ABHD6: variants seen among roughly 807,000 people sequenced by gnomAD.
ABHD6 encodes the protein monoacylglycerol lipase ABHD6.
In ABHD6, 33 loss-of-function variants were observed where a neutral mutation model predicts 38.8. That is an observed-to-expected ratio of 0.85 (90% CI 0.64 to 1.14). ABHD6 has a LOEUF of 1.14. ABHD6 is among the 50% of genes most tolerant of loss of function. The pLI is 0.00. For missense variants in ABHD6, 380 were observed against 422.6 expected (o/e 0.90, Z 0.88); for synonymous variants, 147 against 161.6 (o/e 0.91, Z 0.69).
Position 58,273,567 on chromosome 3 carries a change from C to G in ABHD6, c.524-1091C>G, listed in dbSNP as rs750298321. Among the ~76,000 whole-genome samples the G allele has an allele frequency of 6.6e-6, 1 of 152,268 alleles. No homozygotes were observed. Among genetic ancestry groups the G allele is most frequent in the South Asian group, 2.1e-4 (1 of 4,810 alleles). ...GCCATAAAAAAGAATGATTTCATGT[C>G]CTTTGCAAGGACATGGATGAAGCTG... On this transcript the variant is annotated intron_variant, in intron 6 of 9. Coordinates refer to ENST00000478253, the MANE Select transcript of ABHD6 (RefSeq NM_001320126.2). The surrounding 1 kb of genome is among the most constrained non-coding windows in gnomAD (Gnocchi z 4.8).
In ABHD6 at chr3:58,287,883, G is replaced by A. The variant is rs2097458648; in HGVS notation, c.837+2430G>A. 6.6e-6 allele frequency among the ~76,000 whole-genome samples: 1 copy of A among 152,174 alleles called. No homozygotes were observed. The highest frequency in any genetic ancestry group is 1.5e-5 in the Non-Finnish European group (1 of 68,030). On this transcript the variant is annotated intron_variant, in intron 9 of 9. Coordinates refer to ENST00000478253, the MANE Select transcript of ABHD6 (RefSeq NM_001320126.2). The surrounding 1 kb of genome is among the most constrained non-coding windows in gnomAD (Gnocchi z 4.7). ...GGTTTCTGAAACTTCTAGTACCAGG[G>A]TTATTTTGAGGCTCAAATGAAATAA...
rs2097428819 is a variant in ABHD6, at chr3:58,249,935, T to C, written c.-33T>C. The C allele has an allele frequency of 6.6e-6, 1 of 152,210 alleles. No homozygotes were observed. Among genetic ancestry groups the C allele is most frequent in the African/African-American group, 2.4e-5 (1 of 41,444 alleles). 9.4% of individuals were successfully genotyped at this position (152,210 alleles called of 1,614,324 possible). ...GCAGTTGGGAAAGAAGGCTGTGCTC[T>C]TTGAAGAGTGAGTATGGATTTTAAC... is the stretch of plus-strand genomic sequence containing the variant. On this transcript the variant is annotated 5_prime_UTR_variant, in exon 2 of 10. Transcript: ENST00000478253.
At chr3:58,240,913 A>G (rs1362411665) in intron 1 of ABHD6, among the ~76,000 whole-genome samples, 1 of 151,956 alleles carries the variant, frequency 6.6e-6, no homozygotes, top group East Asian at 1.9e-4. Context: ...TATTTTTAGT[A>G]GAGACGGGGT....
chr3:58,240,333 C>T (rs1351728739), intron 1 of ABHD6, among the ~76,000 whole-genome samples: 1 of 151,920 alleles, frequency 6.6e-6, no homozygotes, highest in Non-Finnish European at 1.5e-5. Context: ...CCCACCTCAG[C>T]CTCCCAAGTA....
chr3:58,262,979 G>A (rs1397834168), intron 3 of ABHD6, among the ~76,000 whole-genome samples: 2 of 152,322 alleles, frequency 1.3e-5, no homozygotes, highest in Admixed American at 6.5e-5. Context: ...GAAGGCCGAG[G>A]TGGGTAGATC....
At position 58,265,021 on chromosome 3, in the gene ABHD6, A is replaced by T. The variant is rs552605649; in HGVS notation, c.120-2168A>T. ...TCTTTCTATTTTTTTTGTACCCATT[A>T]ACCATCCCCACTTCTCCCCTACCCC... On this transcript the variant is annotated intron_variant, in intron 3 of 9. Transcript: ENST00000478253. The surrounding 1 kb of genome is among the most constrained non-coding windows in gnomAD (Gnocchi z 4.2). Among the ~76,000 whole-genome samples, 1 of 151,848 alleles carries T rather than the reference A, an allele frequency of 6.6e-6. No homozygotes were observed. Among genetic ancestry groups the T allele is most frequent in the East Asian group, 1.9e-4 (1 of 5,176 alleles).
chr3:58,240,658 G>A (rs984670182), intron 1 of ABHD6, among the ~76,000 whole-genome samples: 1 of 151,704 alleles, frequency 6.6e-6, no homozygotes, highest in Non-Finnish European at 1.5e-5. Flanking sequence ...TTGAACTCCT[G>A]GGCTCAAGCA....
chr3:58,279,986 T>G (rs1408451812), intron 7 of ABHD6, among the ~76,000 whole-genome samples: 1 of 152,234 alleles, frequency 6.6e-6, no homozygotes, highest in East Asian at 1.9e-4. Context: ...CTTCCCTTTG[T>G]GGGTACCTGA....
At chr3:58,246,166 G>C (rs528795284) in intron 1 of ABHD6, among the ~76,000 whole-genome samples, 2 of 152,290 alleles carry the variant, frequency 1.3e-5, no homozygotes, top group Admixed American at 1.3e-4. Context: ...CTCCTTAAAC[G>C]TAAAGGGTCA....
Position 58,294,543 on chromosome 3 carries a change from C to G in ABHD6, c.*778C>G, listed in dbSNP as rs1046743401. The G allele has an allele frequency of 6.6e-6, 1 of 152,610 alleles. No individual in the cohort carries two copies. The highest frequency in any genetic ancestry group is 1.5e-5 in the Non-Finnish European group (1 of 68,022). The allele number at this position is 152,610 out of a possible 1,614,324, so 9.5% of individuals were successfully genotyped here. On this transcript the variant is annotated 3_prime_UTR_variant, in exon 10 of 10. Coordinates refer to ENST00000478253, the MANE Select transcript of ABHD6 (RefSeq NM_001320126.2). ...CTGTCTAAGTAATCAGACTCAGGTT[C>G]CACACACAAGCAACAACTCGTGGGC...
In ABHD6 at chr3:58,251,103, C is replaced by T. The variant is rs1257373681; in HGVS notation, c.-26+1161C>T. On this transcript the variant is annotated intron_variant, in intron 2 of 9. Coordinates refer to ENST00000478253, the MANE Select transcript of ABHD6 (RefSeq NM_001320126.2). This position sits in a 1 kb window ranked among gnomAD's most constrained non-coding sequence, Gnocchi z 5.4. ...GGGAGGCCGAGGCGGGGGGGATCAC[C>T]TGAGGTCAGGAGTTCGAGACCAGCC... Among the ~76,000 whole-genome samples, 3 of 151,936 alleles carry T rather than the reference C, an allele frequency of 2.0e-5. No homozygotes were observed. The highest frequency in any genetic ancestry group is 2.9e-5 in the Non-Finnish European group (2 of 67,964).
chr3:58,261,480 C>T (rs2097436913), intron 3 of ABHD6, among the ~76,000 whole-genome samples: 1 of 152,026 alleles, frequency 6.6e-6, no homozygotes, highest in African/African-American at 2.4e-5. Context: ...CTCAAGTGAT[C>T]CTCCCACCTC....
At chr3:58,254,783 A>G (rs1468181555) in intron 2 of ABHD6, among the ~76,000 whole-genome samples, 3 of 150,254 alleles carry the variant, frequency 2.0e-5, no homozygotes, top group Non-Finnish European at 3.0e-5. Flanking sequence ...CTTGAAATAT[A>G]TATTTATTAT....
intron 9 of ABHD6, among the ~76,000 whole-genome samples, chr3:58,286,828 G>T (rs9828247): frequency 2.5e-5 from 2 of 78,682 alleles, no homozygotes; most frequent in Admixed American, 2.9e-4. Context: ...ATATATGTGT[G>T]TGTGTGTGTG....
At chr3:58,275,826 C>T (rs1448164068) in intron 7 of ABHD6, among the ~76,000 whole-genome samples, 1 of 152,026 alleles carries the variant, frequency 6.6e-6, no homozygotes, top group African/African-American at 2.4e-5. Flanking sequence ...TCCAAGTGTT[C>T]TAATTGTTCA....
intron 1 of ABHD6, among the ~76,000 whole-genome samples, chr3:58,242,169 G>C (rs567126685): frequency 6.6e-6 from 1 of 152,144 alleles, no homozygotes; most frequent in Non-Finnish European, 1.5e-5. Context: ...ATGTCTGGGG[G>C]TTGCAGATCA....
intron 2 of ABHD6, among the ~76,000 whole-genome samples, chr3:58,253,934 G>A (rs2097431575): frequency 6.6e-6 from 1 of 152,212 alleles, no homozygotes; most frequent in Admixed American, 6.5e-5. Context: ...ACCTATGGGT[G>A]CATCTGTCTC....
chr3:58,241,831 C>A (rs900948237), intron 1 of ABHD6, among the ~76,000 whole-genome samples: 2 of 152,192 alleles, frequency 1.3e-5, no homozygotes, highest in African/African-American at 4.8e-5. Flanking sequence ...TTAGTATCTG[C>A]CTGTCACTGC....
chr3:58,255,631 CTTTTTTATTTTTATTTA>C (rs1387543139), intron 2 of ABHD6, among the ~76,000 whole-genome samples: 3 of 151,438 alleles, frequency 2.0e-5, no homozygotes, highest in South Asian at 2.1e-4. Flanking sequence ...ACCTGTCCTC[CTTTTTTATTTTTATTTA>C]TTTTTTATTT....
Sources: allele counts gnomAD v4.1 joint callset (sites outside exome capture counted in the v4.1 genomes callset), GRCh38; gene constraint gnomAD v4.1.1; non-coding constraint Gnocchi (gnomAD v3.1); transcripts MANE v1.5; gene names NCBI Gene and HGNC (gene_info 2026-07-23, HGNC 2026-07-21).